Variants in IKBKB-DT observed in about 807,000 individuals in gnomAD.
The protein encoded by IKBKB-DT is IKBKB divergent transcript, also known as IKBKB antisense RNA.
intron 3 of IKBKB-DT, among the ~76,000 whole-genome samples, chr8:42,237,439 C>T (rs1806939395): frequency 6.6e-6 from 1 of 152,088 alleles, no homozygotes; most frequent in Admixed American, 6.5e-5. Context: ...TGCATCTAAA[C>T]TCTGAAAGGG....
At chr8:42,269,461 G>GA (rs1807462841) in intron 1 of IKBKB-DT, among the ~76,000 whole-genome samples, 1 of 65,900 alleles carries the variant, frequency 1.5e-5, no homozygotes, top group Non-Finnish European at 3.2e-5. Flanking sequence ...GAGGGGAGGG[G>GA]AGGGGAGGGG....
intron 1 of IKBKB-DT, among the ~76,000 whole-genome samples, chr8:42,268,866 C>A (rs1250270346): frequency 1.3e-5 from 2 of 152,146 alleles, no homozygotes; most frequent in African/African-American, 4.8e-5. Context: ...CTCACCTGGC[C>A]AATAAATATT....
intron 2 of IKBKB-DT, among the ~76,000 whole-genome samples, chr8:42,263,924 G>A (rs1391155027): frequency 6.6e-6 from 1 of 152,106 alleles, no homozygotes; most frequent in Non-Finnish European, 1.5e-5. Flanking sequence ...CAATTCTCCT[G>A]CCTCAGCCTC....
chr8:42,255,878 TAGTC>T (rs745776478), intron 3 of IKBKB-DT, among the ~76,000 whole-genome samples: 2 of 150,826 alleles, frequency 1.3e-5, no homozygotes, highest in African/African-American at 4.9e-5. Flanking sequence ...ACAAAAAAAT[TAGTC>T]AGGAGTGGTG....
chr8:42,252,609 C>T (rs1180373527), intron 3 of IKBKB-DT, among the ~76,000 whole-genome samples: 1 of 152,218 alleles, frequency 6.6e-6, no homozygotes, highest in Admixed American at 6.5e-5. Context: ...TCAAGCAATC[C>T]TCCTGCGCTG....
chr8:42,266,859 A>C (rs1448565284), intron 1 of IKBKB-DT, among the ~76,000 whole-genome samples: 2 of 152,182 alleles, frequency 1.3e-5, no homozygotes, highest in Non-Finnish European at 2.9e-5. Flanking sequence ...TGGTCTAAAA[A>C]AGGGAGGCAT....
Position 42,246,149 on chromosome 8 carries a change from G to C in IKBKB-DT, n.1530-12290C>G, listed in dbSNP as rs547783495. On this transcript the variant is annotated intron_variant and non_coding_transcript_variant, in intron 3 of 3. Coordinates refer to ENST00000518213, the Ensembl canonical transcript of IKBKB-DT. ...CCTCCCAGGCTCAGGCAATCCTCCC[G>C]CCTCAACCTCCTGAGCAGCTGGGAC... Among the ~76,000 whole-genome samples, 3 of 152,232 alleles carry C rather than the reference G, an allele frequency of 2.0e-5. No homozygotes were observed. The East Asian group carries it at 5.8e-4, about 29-fold the overall frequency.
intron 2 of IKBKB-DT, among the ~76,000 whole-genome samples, chr8:42,264,787 G>C (rs544794611): frequency 3.8e-4 from 57 of 151,614 alleles, no homozygotes; most frequent in Non-Finnish European, 6.3e-4. Flanking sequence ...TTGAACTCCT[G>C]GCCTCAGGTG....
intron 3 of IKBKB-DT, among the ~76,000 whole-genome samples, chr8:42,239,771 A>C (rs2129903406): frequency 6.7e-6 from 1 of 150,092 alleles, no homozygotes; most frequent in East Asian, 2.0e-4. Context: ...TCAGCCTCCC[A>C]AATAGCTGGG....
intron 3 of IKBKB-DT, among the ~76,000 whole-genome samples, chr8:42,256,026 C>T (rs79681663): frequency 7.7e-6 from 1 of 129,138 alleles, no homozygotes; most frequent in Non-Finnish European, 1.6e-5. Context: ...AACTCCATCT[C>T]AAAAAAAAAA....
intron 3 of IKBKB-DT, chr8:42,255,388 A>T (rs1807185597): frequency 6.6e-6 from 1 of 152,216 alleles, no homozygotes; most frequent in African/African-American, 2.4e-5. Context: ...TCTCTCAAGA[A>T]TACAAAGAGA....
At position 42,267,288 on chromosome 8, in the gene IKBKB-DT, A is replaced by G. The variant is rs1807387038; in HGVS notation, n.604-892T>C. ...GCTGGGATTACAGGAGTGAGCCACC[A>G]TGCCTGGCCCCTACTTTCTTAATAA... is the stretch of plus-strand genomic sequence containing the variant. On this transcript the variant is annotated intron_variant and non_coding_transcript_variant, in intron 1 of 3. Coordinates refer to ENST00000518213, the Ensembl canonical transcript of IKBKB-DT. Among the ~76,000 whole-genome samples, 3 of 152,056 alleles carry G rather than the reference A, an allele frequency of 2.0e-5. No homozygotes were observed. In the South Asian group the frequency reaches 6.2e-4, roughly 32 times the overall value.
chr8:42,250,440 A>C (rs990155361), intron 3 of IKBKB-DT, among the ~76,000 whole-genome samples: 1 of 152,176 alleles, frequency 6.6e-6, no homozygotes, highest in Non-Finnish European at 1.5e-5. Flanking sequence ...GCTGCCAATC[A>C]TTTACATCTA....
At chr8:42,268,711 C>T (rs1214857554) in intron 1 of IKBKB-DT, among the ~76,000 whole-genome samples, 1 of 151,398 alleles carries the variant, frequency 6.6e-6, no homozygotes, top group Non-Finnish European at 1.5e-5. Context: ...GGATTATAGG[C>T]ACCTGCCACC....
At chr8:42,265,735 C>T (rs767908975) in exon 2 of IKBKB-DT, 3 of 152,240 alleles carry the variant, frequency 2.0e-5, no homozygotes, top group Admixed American at 1.3e-4. Context: ...GGAATAAAAA[C>T]GTGTGTGTAA....
chr8:42,240,514 A>T (rs1806987203), intron 3 of IKBKB-DT, among the ~76,000 whole-genome samples: 1 of 147,150 alleles, frequency 6.8e-6, no homozygotes, highest in Admixed American at 7.0e-5. Context: ...AGTCCCAGCT[A>T]TTTGGGAGGC....
intron 1 of IKBKB-DT, among the ~76,000 whole-genome samples, chr8:42,268,613 T>A (rs1318586052): frequency 2.7e-5 from 4 of 149,286 alleles, no homozygotes; most frequent in Non-Finnish European, 6.0e-5. Flanking sequence ...GTCGCCCACG[T>A]TGTAGTGCAC....
chr8:42,242,562 G>T (rs1218479018), intron 3 of IKBKB-DT, among the ~76,000 whole-genome samples: 1 of 152,180 alleles, frequency 6.6e-6, no homozygotes, highest in Non-Finnish European at 1.5e-5. Flanking sequence ...AGAGAGTGGG[G>T]AGTGTACTGG....
At chr8:42,244,196 C>T (rs1807036061) in intron 3 of IKBKB-DT, among the ~76,000 whole-genome samples, 1 of 152,192 alleles carries the variant, frequency 6.6e-6, no homozygotes, top group South Asian at 2.1e-4. Context: ...AACCCAGGCC[C>T]ATGTGTTTGT....
Sources: allele counts gnomAD v4.1 joint callset (sites outside exome capture counted in the v4.1 genomes callset), GRCh38; gene constraint gnomAD v4.1.1; transcripts MANE v1.5; gene names NCBI Gene and HGNC (gene_info 2026-07-23, HGNC 2026-07-21).